Variants in GFRAL observed in about 807,000 individuals in gnomAD.
GFRAL encodes GDNF family receptor alpha like, also known as GDNF family receptor alpha-like.
In GFRAL, 36 loss-of-function variants were observed where a neutral mutation model predicts 45.4. The observed-to-expected ratio is 0.79, with a 90% CI of 0.61 to 1.05. The LOEUF (loss-of-function observed/expected upper bound fraction) is 1.05. GFRAL is among the 50% of genes least tolerant of loss of function. The pLI, the probability that GFRAL is intolerant of heterozygous loss-of-function variation, is 0.00. For synonymous variants in GFRAL, 166 were observed against 154.1 expected (o/e 1.08, Z -0.57); for missense variants, 507 against 467.5 (o/e 1.08, Z -0.78).
chr6:55,367,095 TC>T (rs1768375089), intron 6 of GFRAL, among the ~76,000 whole-genome samples: 2 of 88,480 alleles, frequency 2.3e-5, no homozygotes, highest in Non-Finnish European at 4.3e-5. Flanking sequence ...TGTAGGTCAC[TC>T]AGGACTTGCT....
intron 6 of GFRAL, among the ~76,000 whole-genome samples, chr6:55,381,439 G>GGATA (rs1330031458): frequency 6.6e-6 from 1 of 151,778 alleles, no homozygotes; most frequent in Non-Finnish European, 1.5e-5. Context: ...TGCATTCAAT[G>GGATA]GATAGATGAT....
chr6:55,332,612 C>T (rs189751641), intron 2 of GFRAL, among the ~76,000 whole-genome samples: 1 of 151,840 alleles, frequency 6.6e-6, no homozygotes, highest in African/African-American at 2.4e-5. Context: ...TTAGTAGAGA[C>T]GGGATTTCAC....
rs187058013 is a variant in GFRAL, at chr6:55,386,238, A to G, written c.953-12942A>G. Among the ~76,000 whole-genome samples the G allele has an allele frequency of 2.1e-3, 318 of 152,234 alleles. 1 individual carries two copies. Among genetic ancestry groups the G allele is most frequent in the African/African-American group, 7.0e-3 (291 of 41,562 alleles). ...TCTAAATAGCTAATAATGTGTCCATATTCAATAAACAATCATAATAAGGCA... is the reference window on the plus strand; with the variant it reads ...TCTAAATAGCTAATAATGTGTCCATGTTCAATAAACAATCATAATAAGGCA... On this transcript the variant is annotated intron_variant, in intron 6 of 8. Coordinates refer to ENST00000340465, the MANE Select transcript of GFRAL (RefSeq NM_207410.2).
At chr6:55,394,055 C>G (rs1768790368) in intron 6 of GFRAL, among the ~76,000 whole-genome samples, 1 of 151,866 alleles carries the variant, frequency 6.6e-6, no homozygotes, top group South Asian at 2.1e-4. Context: ...GACAAACTGG[C>G]TAATGGGATA....
chr6:55,346,291 C>A (rs111226388), intron 3 of GFRAL, among the ~76,000 whole-genome samples: 3,736 of 152,156 alleles, frequency 0.025, 156 homozygotes, highest in African/African-American at 0.084. Context: ...GGAACCAACC[C>A]AAATGTCCAT....
At chr6:55,352,389 C>A (rs2127355596) in intron 5 of GFRAL, among the ~76,000 whole-genome samples, 2 of 152,148 alleles carry the variant, frequency 1.3e-5, no homozygotes, top group South Asian at 2.1e-4. Context: ...AACAAAGATT[C>A]TTCTGGTCTT....
chr6:55,354,639 T>C (rs1312887988), intron 5 of GFRAL, among the ~76,000 whole-genome samples: 4 of 151,948 alleles, frequency 2.6e-5, no homozygotes, highest in Admixed American at 2.0e-4. Flanking sequence ...CATTTTGCCT[T>C]AGGGAGATTT....
At chr6:55,346,842 C>A (rs7751349) in intron 3 of GFRAL, among the ~76,000 whole-genome samples, 20,505 of 98,208 alleles carry the variant, frequency 0.21, 3,555 homozygotes, top group African/African-American at 0.36. Flanking sequence ...CCCCCCCCCC[C>A]AAAAAAAAGA....
Position 55,401,956 on chromosome 6 carries a change from T to C in GFRAL, c.*103T>C. 1 of 664,452 alleles carries C rather than the reference T, an allele frequency of 1.5e-6. No individual in the cohort carries two copies. Among genetic ancestry groups the C allele is most frequent in the South Asian group, 1.9e-5 (1 of 53,104 alleles). 41.2% of individuals were successfully genotyped at this position (664,452 alleles called of 1,614,324 possible). On this transcript the variant is annotated 3_prime_UTR_variant, in exon 9 of 9. Coordinates refer to ENST00000340465, the MANE Select transcript of GFRAL (RefSeq NM_207410.2). ...TCTCCTCTCTTCTCCTCTCCTCCCC[T>C]CCCCTCTCTGTTTCTTTTTCTTTTT...
chr6:55,395,175 A>AAATATATAT, intron 6 of GFRAL, among the ~76,000 whole-genome samples: 2,076 of 123,340 alleles, frequency 0.017, 77 homozygotes, highest in African/African-American at 0.067. Flanking sequence ...AAAAAAAAAA[A>AAATATATAT]ATATATATAT....
intron 5 of GFRAL, among the ~76,000 whole-genome samples, chr6:55,356,335 T>C (rs1768194382): frequency 6.6e-6 from 1 of 151,876 alleles, no homozygotes; most frequent in Admixed American, 6.6e-5. Context: ...CAGCATCATG[T>C]CCCAGGTTTT....
At chr6:55,363,570 G>T (rs10456710) in intron 6 of GFRAL, among the ~76,000 whole-genome samples, 1 of 136,150 alleles carries the variant, frequency 7.3e-6, no homozygotes, top group Non-Finnish European at 1.5e-5. Flanking sequence ...TATATCTCCC[G>T]ATGCTATCCC....
At chr6:55,399,622 T>A (rs894655822) in intron 8 of GFRAL, among the ~76,000 whole-genome samples, 181 bp downstream of exon 8, 2 of 152,140 alleles carry the variant, frequency 1.3e-5, no homozygotes, top group African/African-American at 4.8e-5. Flanking sequence ...TCTTCCTACA[T>A]AAGGAAAATG....
chr6:55,396,804 T>C (rs1768830898), intron 6 of GFRAL, among the ~76,000 whole-genome samples: 1 of 152,068 alleles, frequency 6.6e-6, no homozygotes, highest in African/African-American at 2.4e-5. Flanking sequence ...AAGTAAAAAA[T>C]AATTCACAAG....
chr6:55,399,006 A>G (rs992509803), intron 6 of GFRAL, among the ~76,000 whole-genome samples, 174 bp from the exon 7 acceptor site: 4 of 152,138 alleles, frequency 2.6e-5, no homozygotes, highest in African/African-American at 9.7e-5. Flanking sequence ...TTAAAAGGGG[A>G]AAAACAGGCT....
intron 6 of GFRAL, among the ~76,000 whole-genome samples, chr6:55,394,876 A>G (rs970545516): frequency 6.6e-6 from 1 of 152,032 alleles, no homozygotes; most frequent in Non-Finnish European, 1.5e-5. Context: ...CTCACTAAAT[A>G]CTTTTTGAGG....
rs1768500987 is a variant in GFRAL at position 55,374,727 on chromosome 6, T to G, written c.952+15589T>G. Reference sequence around the variant, plus strand: ...TGCCTATATCCTGAATGGTATTGCCTAGATTTTCTTCTAGGATTTTCATAG... The same window carrying G: ...TGCCTATATCCTGAATGGTATTGCCGAGATTTTCTTCTAGGATTTTCATAG... On this transcript the variant is annotated intron_variant, in intron 6 of 8. Coordinates refer to ENST00000340465, the MANE Select transcript of GFRAL (RefSeq NM_207410.2). Among the ~76,000 whole-genome samples the G allele has an allele frequency of 2.0e-5, 3 of 152,216 alleles. No homozygotes were observed. The South Asian group carries it at 6.2e-4, about 31-fold the overall frequency.
chr6:55,333,993 C>A, intron 3 of GFRAL, 49 bp downstream of exon 3: 3 of 1,159,816 alleles, frequency 2.6e-6, no homozygotes, highest in South Asian at 1.8e-5. Flanking sequence ...AAGAAAGCAA[C>A]AATTTCAAAA....
rs1328880299 is a variant in GFRAL at position 55,368,307 on chromosome 6, A to G, written c.952+9169A>G. ...TTCAGCTCCATCAGCTCCTTTAAGC[A>G]CTTCTCTGTATTGGTTATTCTAGTT... is the stretch of plus-strand genomic sequence containing the variant. On this transcript the variant is annotated intron_variant, in intron 6 of 8. Transcript: ENST00000340465. 2.5e-3 allele frequency among the ~76,000 whole-genome samples: 365 copies of G among 148,854 alleles called. 2 individuals carry two copies. The highest frequency in any genetic ancestry group is 8.7e-3 in the African/African-American group (356 of 40,694).
Sources: gnomAD v4.1 joint callset for allele counts (sites outside exome capture counted in the v4.1 genomes callset) on GRCh38, gnomAD v4.1.1 for gene constraint, MANE v1.5 for transcripts, NCBI Gene and HGNC (gene_info 2026-07-23, HGNC 2026-07-21) for gene names.